The following TMPRSS15 variants were observed in gnomAD, a reference collection of about 807,000 sequenced individuals.
TMPRSS15 encodes transmembrane serine protease 15.
Under a neutral mutation model 125.3 loss-of-function variants are expected in TMPRSS15, and 128 were observed. The ratio of observed to expected loss-of-function variants is 1.02; its 90% CI spans 0.89 to 1.18. The LOEUF is 1.18. Among genes scored for constraint, TMPRSS15 ranks in the 50% most tolerant of loss-of-function variants. TMPRSS15 has a pLI of 0.00. For synonymous variants in TMPRSS15, 446 were observed against 423.2 expected, an observed-to-expected ratio of 1.05 and a Z score of -0.66; for missense variants, 1,283 against 1,212.7, an observed-to-expected ratio of 1.06 and a Z score of -0.86.
At chr21:18,309,611 G>A (rs1452371219) in intron 18 of TMPRSS15, among the ~76,000 whole-genome samples, 1 of 152,076 alleles carries the variant, frequency 6.6e-6, no homozygotes, top group Non-Finnish European at 1.5e-5. Context: ...ATCAAAAAGT[G>A]GGTGAAGGAT....
intron 5 of TMPRSS15, among the ~76,000 whole-genome samples, chr21:18,376,307 C>T (rs899263597): frequency 4.0e-5 from 6 of 151,660 alleles, no homozygotes; most frequent in Non-Finnish European, 5.9e-5. Context: ...TGAGTAGGAA[C>T]GTCTTAAATT....
chr21:18,468,597 T>C (rs960459589), intron 1 of TMPRSS15, among the ~76,000 whole-genome samples: 1 of 152,162 alleles, frequency 6.6e-6, no homozygotes, highest in Non-Finnish European at 1.5e-5. Flanking sequence ...TTCTACAAAC[T>C]TTTATTATAT....
At chr21:18,336,546 AT>A (rs2075394877) in intron 13 of TMPRSS15, among the ~76,000 whole-genome samples, 1 of 152,230 alleles carries the variant, frequency 6.6e-6, no homozygotes, top group African/African-American at 2.4e-5. Flanking sequence ...TGATATAAAT[AT>A]TTTTATTAAA....
At position 18,270,379 on chromosome 21, in the gene TMPRSS15, TTTAA is replaced by T. The variant is rs570289718; in HGVS notation, c.2905-259_2905-256del. Among the ~76,000 whole-genome samples the T allele has an allele frequency of 6.2e-4, 95 of 152,292 alleles. 1 individual carries two copies. In the East Asian group the frequency reaches 0.016, roughly 25 times the overall value. On this transcript the variant is annotated intron_variant, in intron 24 of 24. Coordinates refer to ENST00000284885, the MANE Select transcript of TMPRSS15 (RefSeq NM_002772.3). ...ACCTTTTTAGTAAAAGTTTCTCCAC[TTTAA>T]TTAGGCATTTTGGTGGCTACTAAGA...
At chr21:18,438,485 A>C (rs1446033855) in intron 1 of TMPRSS15, among the ~76,000 whole-genome samples, 1 of 152,224 alleles carries the variant, frequency 6.6e-6, no homozygotes, top group Admixed American at 6.5e-5. Flanking sequence ...ATAATAAAAA[A>C]AACAAAAAAC....
Position 18,359,817 on chromosome 21 carries a change from T to C in TMPRSS15, c.820A>G (p.Thr274Ala). ...ATATCTAATATATCTGTATAATATG[T>C]ATTAAAATCATCGAAGCTCAGTTTA... ...SIKLSFDDFN[T>A]YYTDILDIYE... Residue 274 changes from threonine (T) to alanine (A), a missense_variant, in exon 8 of 25, where the codon ACA becomes GCA. Coordinates refer to ENST00000284885, the MANE Select transcript of TMPRSS15 (RefSeq NM_002772.3). 1 of 1,538,866 alleles carries C rather than the reference T, an allele frequency of 6.5e-7. No homozygotes were observed. The highest frequency in any genetic ancestry group is 9.0e-7 in the Non-Finnish European group (1 of 1,113,804).
At chr21:18,348,969 C>T (rs1428873241) in intron 10 of TMPRSS15, among the ~76,000 whole-genome samples, 2 of 152,202 alleles carry the variant, frequency 1.3e-5, no homozygotes, top group Non-Finnish European at 2.9e-5. Context: ...ACCTCACTTT[C>T]CAGATAAGGG....
intron 1 of TMPRSS15, among the ~76,000 whole-genome samples, chr21:18,475,676 G>A (rs1033009922): frequency 6.6e-6 from 1 of 152,274 alleles, no homozygotes; most frequent in South Asian, 2.1e-4. Context: ...CAATAAAAAT[G>A]CTGATTATTT....
At chr21:18,438,382 C>T (rs932661599) in intron 1 of TMPRSS15, among the ~76,000 whole-genome samples, 6 of 151,070 alleles carry the variant, frequency 4.0e-5, no homozygotes, top group Non-Finnish European at 7.4e-5. Flanking sequence ...TGTTAAATGT[C>T]GAGTTAATGG....
intron 1 of TMPRSS15, among the ~76,000 whole-genome samples, chr21:18,480,512 A>G (rs554068741): frequency 6.6e-6 from 1 of 151,968 alleles, no homozygotes; most frequent in South Asian, 2.1e-4. Context: ...ACCAGCATCA[A>G]ATTCTACCAA....
intron 1 of TMPRSS15, among the ~76,000 whole-genome samples, chr21:18,413,017 G>A (rs9982942): frequency 4.6e-5 from 7 of 151,906 alleles, no homozygotes; most frequent in Non-Finnish European, 1.0e-4. Context: ...CTTCCCTTTC[G>A]CCTTTTAGAG....
intron 1 of TMPRSS15, among the ~76,000 whole-genome samples, chr21:18,452,897 T>A (rs1822932423): frequency 6.6e-6 from 1 of 152,176 alleles, no homozygotes; most frequent in South Asian, 2.1e-4. Context: ...AATAGGCATA[T>A]CCAACATCTC....
chr21:18,317,126 T>C (rs2075175584), intron 16 of TMPRSS15, among the ~76,000 whole-genome samples: 1 of 152,236 alleles, frequency 6.6e-6, no homozygotes, highest in Admixed American at 6.5e-5. Flanking sequence ...CAGGTTAATA[T>C]GATTTCAGAA....
intron 5 of TMPRSS15, among the ~76,000 whole-genome samples, chr21:18,378,936 A>G (rs984737242): frequency 1.3e-5 from 2 of 152,120 alleles, no homozygotes; most frequent in Non-Finnish European, 2.9e-5. Context: ...ATGCAGAGAT[A>G]ATAATCAAAG....
intron 7 of TMPRSS15, among the ~76,000 whole-genome samples, chr21:18,363,617 T>C (rs780527118): frequency 3.0e-4 from 45 of 152,146 alleles, no homozygotes; most frequent in Non-Finnish European, 5.1e-4. Context: ...CAGCTTTCTA[T>C]TGACATTTTA....
intron 18 of TMPRSS15, among the ~76,000 whole-genome samples, chr21:18,306,546 TA>T (rs1276546963): frequency 6.6e-6 from 1 of 152,204 alleles, no homozygotes; most frequent in East Asian, 1.9e-4. Context: ...TGGACAGGAC[TA>T]ATATGGGATT....
At chr21:18,422,216 C>A (rs1424194702) in intron 1 of TMPRSS15, among the ~76,000 whole-genome samples, 1 of 152,032 alleles carries the variant, frequency 6.6e-6, no homozygotes, top group Non-Finnish European at 1.5e-5. Flanking sequence ...GAACTCCTGA[C>A]CTCAGGCGAG....
chr21:18,281,269 T>G (rs765558653), intron 21 of TMPRSS15, 48 bp from the exon 22 acceptor site: 32 of 1,511,704 alleles, frequency 2.1e-5, no homozygotes, highest in Admixed American at 5.0e-5. Context: ...TCCAAAGCAG[T>G]TCCTTTCTAG....
chr21:18,309,323 A>G (rs2075070241), intron 18 of TMPRSS15, among the ~76,000 whole-genome samples: 3 of 152,208 alleles, frequency 2.0e-5, no homozygotes, highest in African/African-American at 2.4e-5. Flanking sequence ...AACCTAGGCG[A>G]TATCATTCAG....
Sources: allele counts gnomAD v4.1 joint callset (sites outside exome capture counted in the v4.1 genomes callset), GRCh38; gene constraint gnomAD v4.1.1; transcripts MANE v1.5; gene names NCBI Gene and HGNC (gene_info 2026-07-23, HGNC 2026-07-21).